VIPR1: variants seen among roughly 807,000 people sequenced by gnomAD.
VIPR1 encodes vasoactive intestinal peptide receptor 1.
In VIPR1, 59 loss-of-function variants were observed where a neutral mutation model predicts 58.8. The observed-to-expected ratio is 1.00, with a 90% CI of 0.81 to 1.25. VIPR1 has a LOEUF of 1.25. Among genes scored for constraint, VIPR1 ranks in the 50% most tolerant of loss-of-function variants. The pLI, the probability that VIPR1 is intolerant of heterozygous loss-of-function variation, is 0.00. For synonymous variants in VIPR1, 251 were observed against 242.1 expected, an observed-to-expected ratio of 1.04 and a Z score of -0.34; for missense variants, 626 against 602.7, an observed-to-expected ratio of 1.04 and a Z score of -0.40.
intron 1 of VIPR1, chr3:42,506,486 T>C (rs939525199): frequency 9.9e-5 from 15 of 152,250 alleles, no homozygotes; most frequent in African/African-American, 3.6e-4. Context: ...ATTGAAAATG[T>C]CAGTATGTAC....
intron 1 of VIPR1, among the ~76,000 whole-genome samples, chr3:42,493,675 C>G (rs981108886): frequency 6.6e-6 from 1 of 152,142 alleles, no homozygotes; most frequent in African/African-American, 2.4e-5. Flanking sequence ...TGCAAAGGCC[C>G]CAGGTCAGAA....
Position 42,536,388 on chromosome 3 carries a change from G to A in VIPR1, c.*107G>A, listed in dbSNP as rs1279437063. ...CCGGGCGCGGCCAGCCCCGGCCCTGGGCTCGGAGGCTGCCCCCGGCCCCCT... is the reference window on the plus strand; with the variant it reads ...CCGGGCGCGGCCAGCCCCGGCCCTGAGCTCGGAGGCTGCCCCCGGCCCCCT... On this transcript the variant is annotated 3_prime_UTR_variant, in exon 13 of 13. Coordinates refer to ENST00000325123, the MANE Select transcript of VIPR1 (RefSeq NM_004624.4). 4 of 1,238,610 alleles carry A rather than the reference G, an allele frequency of 3.2e-6. No individual in the cohort carries two copies. Among genetic ancestry groups the A allele is most frequent in the Non-Finnish European group, 4.3e-6 (4 of 931,030 alleles). The allele number at this position is 1,238,610 out of a possible 1,614,324, so 76.7% of individuals were successfully genotyped here. A position where few individuals can be genotyped will look rare whatever the true frequency, so the allele number is the denominator to read the frequency against.
intron 1 of VIPR1, among the ~76,000 whole-genome samples, chr3:42,496,233 A>G (rs1399062891): frequency 6.6e-6 from 1 of 152,166 alleles, no homozygotes; most frequent in Non-Finnish European, 1.5e-5. Context: ...CCGTCTCAAA[A>G]AAAAAGCTAA....
chr3:42,508,539 A>G (rs1700225158), intron 1 of VIPR1, among the ~76,000 whole-genome samples: 1 of 152,200 alleles, frequency 6.6e-6, no homozygotes, highest in African/African-American at 2.4e-5. Flanking sequence ...ACATATGTGT[A>G]CACCTGTGTC....
intron 3 of VIPR1, among the ~76,000 whole-genome samples, chr3:42,520,816 C>T (rs1700879023): frequency 6.6e-6 from 1 of 152,050 alleles, no homozygotes; most frequent in Non-Finnish European, 1.5e-5. Flanking sequence ...AGCCAGTTTG[C>T]CCCCCAGTGC....
At chr3:42,531,154 G>T in intron 7 of VIPR1, 2 of 639,412 alleles carry the variant, frequency 3.1e-6, no homozygotes, top group Non-Finnish European at 5.3e-6. Flanking sequence ...CTGTGGGACA[G>T]ATTTTGTGAA....
Position 42,536,116 on chromosome 3 carries a change from G to A in VIPR1, c.1209G>A (p.Trp403Ter). 6.2e-7 allele frequency: 1 copy of A among 1,603,368 alleles called. No homozygotes were observed. Among genetic ancestry groups the A allele is most frequent in the Non-Finnish European group, 8.5e-7 (1 of 1,175,642 alleles). Reference sequence around the variant, plus strand: ...TGCAGGCGGAGCTGAGGCGGAAGTGGCGGCGCTGGCACCTGCAGGGCGTCC... The same window carrying A: ...TGCAGGCGGAGCTGAGGCGGAAGTGACGGCGCTGGCACCTGCAGGGCGTCC... ...GEVQAELRRK[W>*]RRWHLQGVLG... The change falls in exon 13 of 13, where the codon TGG becomes TGA. Residue 403 changes from tryptophan to a stop codon, truncating the protein, a stop_gained. Transcript: ENST00000325123. LOFTEE classifies it high-confidence loss of function.
At chr3:42,498,826 A>C (rs185245635), upstream of VIPR1, among the ~76,000 whole-genome samples, 114 of 152,264 alleles carry the variant, frequency 7.5e-4, 2 homozygotes, top group Non-Finnish European at 1.2e-3. Context: ...TTGAGACGTG[A>C]AGGATGAATG....
intron 2 of VIPR1, among the ~76,000 whole-genome samples, chr3:42,516,230 T>G (rs890453057): frequency 1.3e-5 from 2 of 152,186 alleles, no homozygotes; most frequent in Admixed American, 6.5e-5. Context: ...GGCCCTGTAT[T>G]TCTGTAGGCC....
At chr3:42,531,111 G>A (rs1444873171) in intron 7 of VIPR1, 179 bp downstream of exon 7, 6 of 813,124 alleles carry the variant, frequency 7.4e-6, no homozygotes, top group Non-Finnish European at 1.1e-5. Context: ...CCCAGGACAA[G>A]TCCCTCAGGT....
rs149486925 is a variant in VIPR1, at chr3:42,520,457, A to G, written c.292+1127A>G. Among the ~76,000 whole-genome samples the G allele has an allele frequency of 3.8e-3, 579 of 152,316 alleles. 2 individuals are homozygous for G. Among genetic ancestry groups the G allele is most frequent in the Middle Eastern group, 0.01 (3 of 294 alleles). ...AGGAAAACCCAATCACAAGGCAGGC[A>G]GGAAATGATGGCTTGAATTCAGGTA... On this transcript the variant is annotated intron_variant, in intron 3 of 12. Transcript: ENST00000325123.
Position 42,530,735 on chromosome 3 carries a change from C to T in VIPR1, c.637-44C>T, listed in dbSNP as rs774899693. On this transcript the variant is annotated intron_variant, in intron 6 of 12. Transcript: ENST00000325123. ...ACACGAGTGTGGGCAGTCAAGGACC[C>T]TTGACAGCCCCAGTGAACCCCGTCT... The T allele has an allele frequency of 1.9e-6, 3 of 1,605,990 alleles. No individual in the cohort carries two copies. In the South Asian group the frequency reaches 3.3e-5, roughly 18 times the overall value.
chr3:42,532,595 C>A, intron 10 of VIPR1: 1 of 563,754 alleles, frequency 1.8e-6, no homozygotes, highest in South Asian at 2.0e-5. Context: ...CATCTGCTGC[C>A]AAGCCAGGGA....
chr3:42,527,317 ACCCCACCCCTGCCAATAC>A, intron 4 of VIPR1, 58 bp from the exon 5 acceptor site: 1 of 1,369,566 alleles, frequency 7.3e-7, no homozygotes, highest in South Asian at 1.2e-5. Flanking sequence ...TGTGTAGGGC[ACCCCACCCCTGCCAATAC>A]CCCCTAGATG....
At chr3:42,502,558 ATC>A (rs1463770841), upstream of VIPR1, 1 of 418,800 alleles carries the variant, frequency 2.4e-6, no homozygotes, top group East Asian at 4.1e-5. Flanking sequence ...CATTGGCTAG[ATC>A]CGCCGCCCGT....
intron 1 of VIPR1, among the ~76,000 whole-genome samples, chr3:42,497,363 C>A (rs1699782965): frequency 1.3e-5 from 2 of 152,186 alleles, no homozygotes; most frequent in South Asian, 4.1e-4. Context: ...TGCTCTCAGA[C>A]CCCTGGCTGG....
intron 1 of VIPR1, among the ~76,000 whole-genome samples, chr3:42,503,765 A>G (rs574051488): frequency 6.6e-6 from 1 of 152,244 alleles, no homozygotes; most frequent in Non-Finnish European, 1.5e-5. Flanking sequence ...CACCAGTTAG[A>G]CCTAGACAAA....
At chr3:42,529,652 G>A (rs1373446299) in intron 6 of VIPR1, 1 of 152,132 alleles carries the variant, frequency 6.6e-6, no homozygotes, top group East Asian at 1.9e-4. Context: ...AGGAAGGAAG[G>A]GTGGGAACCA....
intron 4 of VIPR1, 93 bp from the exon 5 acceptor site, chr3:42,527,300 G>C: frequency 8.2e-7 from 1 of 1,219,004 alleles, no homozygotes; most frequent in Non-Finnish European, 1.2e-6. Flanking sequence ...GGGTTGGGCA[G>C]GCAGAGTGTG....
Sources: gnomAD v4.1 joint callset for allele counts (sites outside exome capture counted in the v4.1 genomes callset) on GRCh38, gnomAD v4.1.1 for gene constraint, MANE v1.5 for transcripts, NCBI Gene and HGNC (gene_info 2026-07-23, HGNC 2026-07-21) for gene names.